Variants in DNAH3 observed in about 807,000 individuals in gnomAD.
DNAH3 encodes the protein dynein axonemal heavy chain 3.
Under a neutral mutation model 432.5 loss-of-function variants are expected in DNAH3, and 332 were observed. That is an observed-to-expected ratio of 0.77 (90% CI 0.70 to 0.84). The LOEUF (loss-of-function observed/expected upper bound fraction) is 0.84. Among genes scored for constraint, DNAH3 ranks in the 40% least tolerant of loss-of-function variants. DNAH3 has a pLI of 0.00. For missense variants in DNAH3, 4,861 were observed against 5,114.0 expected (o/e 0.95, Z 1.51); for synonymous variants, 1,956 against 1,900.2 (o/e 1.03, Z -0.76).
At chr16:20,933,328 A>C in exon 62 of DNAH3, 2 of 1,614,170 alleles carry the variant, frequency 1.2e-6, no homozygotes, top group Non-Finnish European at 1.7e-6. Context: ...CCTGATGCAG[A>C]AACATTGCGC....
At chr16:21,082,827 CAAA>C (rs67337540) in intron 19 of DNAH3, among the ~76,000 whole-genome samples, 1 of 133,990 alleles carries the variant, frequency 7.5e-6, no homozygotes, top group Admixed American at 7.8e-5. Context: ...GACTCCATCT[CAAA>C]AAAAAAAAAA....
chr16:20,972,739 ATTTTTTTT>A (rs34245316), intron 51 of DNAH3, among the ~76,000 whole-genome samples: 48 of 95,944 alleles, frequency 5.0e-4, no homozygotes, highest in Admixed American at 5.0e-4. Context: ...ATGCCCCGTG[ATTTTTTTT>A]TTTTTTTTTT....
At chr16:20,981,849 GA>G (rs1331060615) in intron 49 of DNAH3, among the ~76,000 whole-genome samples, 1 of 151,606 alleles carries the variant, frequency 6.6e-6, no homozygotes, top group Admixed American at 6.6e-5. Flanking sequence ...AGCCTTCATG[GA>G]ACATCCAGAA....
At chr16:20,963,516 A>C in exon 53 of DNAH3, 2 of 1,613,990 alleles carry the variant, frequency 1.2e-6, no homozygotes, top group Non-Finnish European at 1.7e-6. Flanking sequence ...GTTGCTCCTC[A>C]TGGGGCCAGG....
At chr16:21,041,560 T>C (rs1030721617) in intron 32 of DNAH3, among the ~76,000 whole-genome samples, 3 of 152,236 alleles carry the variant, frequency 2.0e-5, no homozygotes, top group Admixed American at 6.5e-5. Context: ...GTAGACCATG[T>C]CCTAAAGTCC....
intron 41 of DNAH3, among the ~76,000 whole-genome samples, chr16:21,012,175 T>C (rs1245324733): frequency 1.3e-5 from 2 of 152,136 alleles, no homozygotes; most frequent in Non-Finnish European, 2.9e-5. Flanking sequence ...GGGTGGCTGA[T>C]ATCAAAATGA....
chr16:20,968,562 T>C (rs2085164939), intron 52 of DNAH3, among the ~76,000 whole-genome samples: 1 of 152,164 alleles, frequency 6.6e-6, no homozygotes, highest in Non-Finnish European at 1.5e-5. Context: ...TATTCACCTG[T>C]TAATGTTTCT....
chr16:20,936,707 G>A (rs766462265), exon 60 of DNAH3: 1 of 1,609,018 alleles, frequency 6.2e-7, no homozygotes, highest in South Asian at 1.1e-5. Context: ...AGGCTTCAGT[G>A]ATGGGTAAGA....
intron 44 of DNAH3, among the ~76,000 whole-genome samples, chr16:20,988,803 G>A (rs550559885): frequency 2.0e-5 from 3 of 152,102 alleles, no homozygotes; most frequent in South Asian, 4.2e-4. Flanking sequence ...TCTGGAGGTT[G>A]TTCCTTCTGA....
At chr16:21,054,442 GGCCCCGAGAGTGAGTCGA>G in exon 28 of DNAH3, 1 of 1,614,076 alleles carries the variant, frequency 6.2e-7, no homozygotes, top group Admixed American at 1.7e-5. Context: ...TGACCGTGAG[GGCCCCGAGAGTGAGTCGA>G]GCTCCACTGC....
chr16:21,030,942 A>G, intron 37 of DNAH3, 103 bp downstream of exon 37: 1 of 1,185,190 alleles, frequency 8.4e-7, no homozygotes, highest in Non-Finnish European at 1.2e-6. Flanking sequence ...CAGAATACAT[A>G]CATAATAAAT....
intron 41 of DNAH3, among the ~76,000 whole-genome samples, chr16:21,010,820 G>A (rs1271780471): frequency 1.3e-5 from 2 of 151,546 alleles, no homozygotes; most frequent in South Asian, 2.1e-4. Context: ...AGGCTCAAGC[G>A]ATCCTTCCAA....
intron 25 of DNAH3, among the ~76,000 whole-genome samples, chr16:21,061,680 T>C (rs1056329184): frequency 2.0e-5 from 3 of 152,346 alleles, no homozygotes; most frequent in East Asian, 3.9e-4. Flanking sequence ...ACTTTGCTGT[T>C]CCTTGAAATC....
At position 21,145,090 on chromosome 16, in the gene DNAH3, C is replaced by T. The variant is rs554637461; in HGVS notation, c.448+91G>A. 841 of 1,156,794 alleles carry T rather than the reference C, an allele frequency of 7.3e-4. 2 individuals are homozygous for T. The highest frequency in any genetic ancestry group is 9.0e-4 in the Non-Finnish European group (730 of 813,556). 71.7% of individuals were successfully genotyped at this position (1,156,794 alleles called of 1,614,324 possible). A position where few individuals can be genotyped will look rare whatever the true frequency, so the allele number is the denominator to read the frequency against. On this transcript the variant is annotated intron_variant, in intron 3 of 61. Transcript: ENST00000261383. Reference sequence around the variant, plus strand: ...TCGTGCCATGGCACTCCAGCCTGGGCGACAGAGTGAGACTCCATCTAAAAT... The same window carrying T: ...TCGTGCCATGGCACTCCAGCCTGGGTGACAGAGTGAGACTCCATCTAAAAT...
At chr16:21,152,620 G>T (rs530207891) in intron 1 of DNAH3, among the ~76,000 whole-genome samples, 1 of 152,248 alleles carries the variant, frequency 6.6e-6, no homozygotes, top group African/African-American at 2.4e-5. Flanking sequence ...CGGGAACCCG[G>T]GCTGCGCACG....
Position 21,031,327 on chromosome 16 carries a change from G to A in DNAH3, c.5198-41C>T, listed in dbSNP as rs745710702. ...CAACACCAGTTATAAAGGCTCTGGT[G>A]AGACCAGAAGGTTAAACAAGAGATG... On this transcript the variant is annotated intron_variant, in intron 36 of 61. Transcript: ENST00000261383. 5.0e-6 allele frequency: 8 copies of A among 1,605,276 alleles called. No individual in the cohort carries two copies. In the African/African-American group the frequency reaches 8.0e-5, roughly 16 times the overall value.
intron 37 of DNAH3, 151 bp from the exon 38 acceptor site, chr16:21,027,278 T>A (rs2088618502): frequency 1.7e-6 from 1 of 598,312 alleles, no homozygotes; most frequent in Non-Finnish European, 3.0e-6. Flanking sequence ...ATGCACTAAC[T>A]CCTAGGTGCA....
intron 36 of DNAH3, 77 bp downstream of exon 36, chr16:21,033,897 C>G: frequency 1.0e-6 from 1 of 977,052 alleles, no homozygotes; most frequent in Non-Finnish European, 1.6e-6. Flanking sequence ...GACTAGCAGC[C>G]TGGCATTATC....
At chr16:21,023,826 C>T (rs548292700) in intron 39 of DNAH3, among the ~76,000 whole-genome samples, 7 of 134,880 alleles carry the variant, frequency 5.2e-5, no homozygotes, top group East Asian at 2.1e-4. Flanking sequence ...TGTGGACTGG[C>T]GCTTGAATGT....
Sources: gnomAD v4.1 joint callset for allele counts (sites outside exome capture counted in the v4.1 genomes callset) on GRCh38, gnomAD v4.1.1 for gene constraint, MANE v1.5 for transcripts, NCBI Gene and HGNC (gene_info 2026-07-23, HGNC 2026-07-21) for gene names.